Variants in CTNNA3 observed in about 807,000 individuals in gnomAD.
The protein encoded by CTNNA3 is catenin alpha-3.
CTNNA3 carries 76 observed loss-of-function variants against 95.7 expected under a neutral mutation model. That is an observed-to-expected ratio of 0.79 (90% CI 0.66 to 0.96). CTNNA3 has a LOEUF of 0.96. CTNNA3 is among the 40% of genes least tolerant of loss of function. The pLI is 0.00. For synonymous variants in CTNNA3, 431 were observed against 374.4 expected (o/e 1.15, Z -1.74); for missense variants, 1,191 against 1,089.8 (o/e 1.09, Z -1.31).
intron 3 of CTNNA3, among the ~76,000 whole-genome samples, chr10:67,580,950 G>T (rs1362579562): frequency 2.0e-5 from 3 of 152,132 alleles, no homozygotes; most frequent in Non-Finnish European, 2.9e-5. Context: ...AGCTTAAGGA[G>T]ATTTTGGGCT....
intron 15 of CTNNA3, among the ~76,000 whole-genome samples, chr10:66,027,648 G>T (rs2079368798): frequency 6.6e-6 from 1 of 151,986 alleles, no homozygotes. Context: ...TTACCACTTT[G>T]TAATCTTGTA....
chr10:66,005,119 A>G (rs895822549), intron 15 of CTNNA3, among the ~76,000 whole-genome samples: 3 of 152,138 alleles, frequency 2.0e-5, no homozygotes, highest in African/African-American at 7.2e-5. Context: ...ACTAAAAGGT[A>G]TGCTTCTGTT....
intron 13 of CTNNA3, among the ~76,000 whole-genome samples, chr10:66,138,035 A>T (rs1335839320): frequency 6.6e-6 from 1 of 151,092 alleles, no homozygotes; most frequent in Admixed American, 6.6e-5. Flanking sequence ...AAGAAAATAA[A>T]ATAGTAAAAC....
intron 8 of CTNNA3, among the ~76,000 whole-genome samples, chr10:66,773,826 C>T (rs1282360338): frequency 6.6e-6 from 1 of 152,138 alleles, no homozygotes; most frequent in Non-Finnish European, 1.5e-5. Flanking sequence ...AATGCTATTT[C>T]TATATCTCAC....
intron 13 of CTNNA3, among the ~76,000 whole-genome samples, chr10:66,275,321 T>C (rs2091370726): frequency 6.6e-6 from 1 of 152,224 alleles, no homozygotes; most frequent in African/African-American, 2.4e-5. Context: ...CTTCATCATG[T>C]TGGCCAGGCT....
intron 1 of CTNNA3, among the ~76,000 whole-genome samples, chr10:67,722,040 G>A (rs2133620036): frequency 6.6e-6 from 1 of 152,206 alleles, no homozygotes; most frequent in African/African-American, 2.4e-5. Flanking sequence ...GTCTTGCCGG[G>A]AGCTGCAGAC....
At chr10:66,747,543 C>G (rs538726311) in intron 9 of CTNNA3, among the ~76,000 whole-genome samples, 1 of 152,278 alleles carries the variant, frequency 6.6e-6, no homozygotes, top group East Asian at 1.9e-4. Context: ...GGAAAACTGA[C>G]CTATGCACGT....
chr10:67,489,759 A>G (rs1213377856), intron 5 of CTNNA3, among the ~76,000 whole-genome samples: 4 of 149,170 alleles, frequency 2.7e-5, no homozygotes, highest in African/African-American at 7.4e-5. Flanking sequence ...AAATTTATAT[A>G]TACTTAAGTA....
intron 7 of CTNNA3, among the ~76,000 whole-genome samples, chr10:66,845,595 C>G (rs1843215987): frequency 6.7e-6 from 1 of 148,880 alleles, no homozygotes; most frequent in African/African-American, 2.5e-5. Context: ...CCCAGCTACT[C>G]AGGAGGCTGA....
intron 2 of CTNNA3, among the ~76,000 whole-genome samples, chr10:67,625,828 A>C (rs1313741147): frequency 6.6e-6 from 1 of 152,164 alleles, no homozygotes; most frequent in Non-Finnish European, 1.5e-5. Context: ...ATTTCTAGTC[A>C]GGGAACCAGC....
At chr10:67,199,147 AG>A (rs1863517229) in intron 6 of CTNNA3, among the ~76,000 whole-genome samples, 1 of 152,156 alleles carries the variant, frequency 6.6e-6, no homozygotes, top group Non-Finnish European at 1.5e-5. Flanking sequence ...TGACAAAAAA[AG>A]AAAGTGAAAG....
At chr10:66,025,702 T>C (rs2079319377) in intron 15 of CTNNA3, among the ~76,000 whole-genome samples, 2 of 152,098 alleles carry the variant, frequency 1.3e-5, no homozygotes, top group Non-Finnish European at 1.5e-5. Context: ...ATGGAGTACA[T>C]TTTCTGAGCC....
At chr10:66,895,054 C>CA (rs537843933) in intron 7 of CTNNA3, among the ~76,000 whole-genome samples, 73,381 of 115,574 alleles carry the variant, frequency 0.63, 22,794 homozygotes, top group South Asian at 0.8. Flanking sequence ...AACAAATAAA[C>CA]AAAAAAAAAA....
chr10:66,613,822 A>G (rs1260519837), intron 10 of CTNNA3, among the ~76,000 whole-genome samples: 5 of 152,034 alleles, frequency 3.3e-5, no homozygotes, highest in African/African-American at 4.8e-5. Flanking sequence ...CTTTTACATG[A>G]TTCTTAAAGA....
chr10:67,371,549 G>A (rs1379939744), intron 5 of CTNNA3, among the ~76,000 whole-genome samples: 1 of 152,110 alleles, frequency 6.6e-6, no homozygotes, highest in Non-Finnish European at 1.5e-5. Flanking sequence ...TCCCTGCAAA[G>A]GACATGAACT....
At chr10:66,289,064 G>A (rs1188548517) in intron 12 of CTNNA3, among the ~76,000 whole-genome samples, 1 of 151,882 alleles carries the variant, frequency 6.6e-6, no homozygotes, top group Non-Finnish European at 1.5e-5. Context: ...GGATTCTACA[G>A]CTGATGAAAT....
At chr10:66,147,738 A>G (rs1206843458) in intron 13 of CTNNA3, among the ~76,000 whole-genome samples, 1 of 149,936 alleles carries the variant, frequency 6.7e-6, no homozygotes. Flanking sequence ...AGTATGTAAA[A>G]TATGTTTATA....
chr10:66,594,308 G>A (rs1843642337), intron 10 of CTNNA3, among the ~76,000 whole-genome samples: 1 of 152,010 alleles, frequency 6.6e-6, no homozygotes, highest in Admixed American at 6.6e-5. Context: ...ACCACCTTTG[G>A]TTAGTCCACT....
chr10:67,511,061 G>T (rs921470766), intron 5 of CTNNA3, among the ~76,000 whole-genome samples: 1 of 152,212 alleles, frequency 6.6e-6, no homozygotes, highest in Non-Finnish European at 1.5e-5. Context: ...AGACTTTGCT[G>T]AAGTTTTTTA....
Sources: allele counts gnomAD v4.1 joint callset (sites outside exome capture counted in the v4.1 genomes callset), GRCh38; gene constraint gnomAD v4.1.1; transcripts MANE v1.5; gene names NCBI Gene and HGNC (gene_info 2026-07-23, HGNC 2026-07-21).